Variants in RC3H1 observed in about 807,000 individuals in gnomAD.
RC3H1 encodes the protein roquin-1.
A neutral mutation model predicts 138.2 loss-of-function variants in RC3H1; 50 were observed. The ratio of observed to expected loss-of-function variants is 0.36; its 90% CI spans 0.29 to 0.46. The LOEUF (loss-of-function observed/expected upper bound fraction) is 0.46, where lower values mean the gene tolerates loss of function less well. RC3H1 is among the 20% of genes least tolerant of loss of function. RC3H1 has a pLI of 1.00. For synonymous variants in RC3H1, 462 were observed against 489.1 expected (o/e 0.94, Z 0.73); for missense variants, 1,031 against 1,388.1 (o/e 0.74, Z 4.09).
At chr1:173,980,695 G>T in intron 6 of RC3H1, 114 bp downstream of exon 6, 1 of 633,008 alleles carries the variant, frequency 1.6e-6, no homozygotes, top group Non-Finnish European at 2.6e-6. Context: ...CATGACACTG[G>T]CTATAAATAC....
chr1:174,017,783 C>CCAAAAAAAAAA (rs1165317766), intron 1 of RC3H1, among the ~76,000 whole-genome samples: 6 of 72,038 alleles, frequency 8.3e-5, no homozygotes, highest in African/African-American at 3.4e-4. Flanking sequence ...TTTTCTTGCT[C>CCAAAAAAAAAA]AAAAAAAAAA....
chr1:173,991,978 C>G (rs1661303662), intron 2 of RC3H1, among the ~76,000 whole-genome samples: 1 of 151,350 alleles, frequency 6.6e-6, no homozygotes, highest in Non-Finnish European at 1.5e-5. Flanking sequence ...CTAATGGTTC[C>G]CAAATGTTGT....
rs1386177716 is a variant in RC3H1, at chr1:173,932,900, G to GA, written c.*5820dup. The GA allele has an allele frequency of 6.6e-6, 1 of 152,024 alleles. No homozygotes were observed. The highest frequency in any genetic ancestry group is 2.4e-5 in the African/African-American group (1 of 41,400). 9.4% of individuals were successfully genotyped at this position (152,024 alleles called of 1,614,324 possible). A position where few individuals can be genotyped will look rare whatever the true frequency, so the allele number is the denominator to read the frequency against. On this transcript the variant is annotated 3_prime_UTR_variant, in exon 20 of 20. Transcript: ENST00000367696. ...CTTTCATACACTCACTGGGGTGGGG[G>GA]ACCACCTGACAGTTTCCAGTTATAA...
At position 174,022,029 on chromosome 1, in the gene RC3H1, T is replaced by C. The variant is rs1661976848; in HGVS notation, c.-151+67A>G. 2 of 390,500 alleles carry C rather than the reference T, an allele frequency of 5.1e-6. No homozygotes were observed. Among genetic ancestry groups the C allele is most frequent in the Non-Finnish European group, 9.0e-6 (2 of 221,252 alleles). The allele number at this position is 390,500 out of a possible 1,614,324, so 24.2% of individuals were successfully genotyped here. ...AACCCTTCCCGACCACAGCTGCCTA[T>C]TGTTCCCGACTGAGGCCCCGGCCGC... is the stretch of plus-strand genomic sequence containing the variant. On this transcript the variant is annotated intron_variant, in intron 1 of 19. Transcript: ENST00000367696. This position sits in a 1 kb window ranked among gnomAD's most constrained non-coding sequence, Gnocchi z 4.2.
intron 1 of RC3H1, among the ~76,000 whole-genome samples, chr1:174,017,783 CAAAAAAA>C (rs61239660): frequency 0.16 from 11,334 of 71,932 alleles, 706 homozygotes; most frequent in Middle Eastern, 0.35. Flanking sequence ...TTTTCTTGCT[CAAAAAAA>C]AAAAAAAAAA....
chr1:173,940,672 AT>A (rs1469556660), intron 19 of RC3H1, among the ~76,000 whole-genome samples: 1 of 151,056 alleles, frequency 6.6e-6, no homozygotes, highest in Non-Finnish European at 1.5e-5. Context: ...AGCATATAGT[AT>A]TTTTATAATG....
chr1:173,980,803 T>C lies in RC3H1; in HGVS notation c.969+6A>G. 6.2e-7 allele frequency: 1 copy of C among 1,610,236 alleles called. No individual in the cohort carries two copies. The highest frequency in any genetic ancestry group is 1.7e-5 in the Admixed American group (1 of 59,910). On this transcript the variant is annotated splice_donor_region_variant and intron_variant, in intron 6 of 19. Transcript: ENST00000367696. ...TCTAAGAAGTAAGGAACAAAAAAGG[T>C]CCTACCTTGTCAATAATGGACTGCA... is the stretch of plus-strand genomic sequence containing the variant.
chr1:173,972,906 G>A (rs1427988581), intron 7 of RC3H1, among the ~76,000 whole-genome samples: 3 of 152,234 alleles, frequency 2.0e-5, no homozygotes, highest in Non-Finnish European at 4.4e-5. Flanking sequence ...GACTCTCAGT[G>A]TTGAGGAGAC....
At chr1:173,987,105 T>C (rs980788615) in intron 2 of RC3H1, among the ~76,000 whole-genome samples, 2 of 152,172 alleles carry the variant, frequency 1.3e-5, no homozygotes, top group African/African-American at 4.8e-5. Context: ...ACACAACTTA[T>C]TATTGCTGAT....
chr1:173,964,150 C>T lies in RC3H1; in HGVS notation c.1654G>A (p.Val552Met). The T allele has an allele frequency of 6.2e-7, 1 of 1,613,988 alleles. No homozygotes were observed. Among genetic ancestry groups the T allele is most frequent in the South Asian group, 1.1e-5 (1 of 91,088 alleles). The change falls in exon 11 of 20, where the codon GTG becomes ATG. Residue 552 changes from valine (V) to methionine (M), a missense_variant. Physicochemically the swap from Val to Met is conservative, Grantham distance 21 (BLOSUM62 1). Coordinates refer to ENST00000367696, the MANE Select transcript of RC3H1 (RefSeq NM_172071.4). ...CTTGGAGGTATAGAATGTGGATTCACAGGTAAGGCAGAAATACTCTTAGGA... is the reference window on the plus strand; with the variant it reads ...CTTGGAGGTATAGAATGTGGATTCATAGGTAAGGCAGAAATACTCTTAGGA... ...SVPKSISALPVNPHSIPPRGP... is the reference protein window; with the variant it reads ...SVPKSISALPMNPHSIPPRGP...
At chr1:173,956,828 G>A (rs1259668619) in intron 13 of RC3H1, among the ~76,000 whole-genome samples, 1 of 152,002 alleles carries the variant, frequency 6.6e-6, no homozygotes, top group Non-Finnish European at 1.5e-5. Flanking sequence ...TAGAAAATGA[G>A]ATTTTCGAGA....
intron 7 of RC3H1, among the ~76,000 whole-genome samples, chr1:173,977,042 C>G (rs1660615874): frequency 6.6e-6 from 1 of 151,950 alleles, no homozygotes; most frequent in Admixed American, 6.5e-5. Flanking sequence ...CCTGCCTCAG[C>G]CTCCCGAGTA....
intron 15 of RC3H1, 23 bp from the exon 16 acceptor site, chr1:173,946,859 G>A (rs1659159286): frequency 2.1e-6 from 3 of 1,450,930 alleles, no homozygotes; most frequent in Non-Finnish European, 2.9e-6. Flanking sequence ...GATTTATTAT[G>A]GTATAATTCA....
intron 2 of RC3H1, among the ~76,000 whole-genome samples, chr1:173,988,249 A>T (rs972487580): frequency 1.4e-4 from 22 of 152,284 alleles, no homozygotes; most frequent in African/African-American, 4.8e-4. Context: ...CCTACTCCTG[A>T]ATCCATGGCA....
rs1021724278 is a variant in RC3H1 at position 173,938,654 on chromosome 1, C to T, written c.*67G>A. 1.3e-5 allele frequency: 15 copies of T among 1,195,096 alleles called. No individual in the cohort carries two copies. The highest frequency in any genetic ancestry group is 1.7e-5 in the Non-Finnish European group (15 of 872,052). 74.0% of individuals were successfully genotyped at this position (1,195,096 alleles called of 1,614,324 possible). On this transcript the variant is annotated 3_prime_UTR_variant, in exon 20 of 20. Coordinates refer to ENST00000367696, the MANE Select transcript of RC3H1 (RefSeq NM_172071.4). ...TAAGAGAAAAAGTTTAGAAGTTATG[C>T]GTTCTCCTACCCCTATGCCCGACAA...
Position 173,941,346 on chromosome 1 carries a change from A to G in RC3H1, c.3170T>C (p.Leu1057Pro), listed in dbSNP as rs767381453. ...ATTTTCTGCTTGTTTACTTGTATTC[A>G]GTTTGCTTTTCATGTCCAGAGAACA... ...NQCSLDMKSKLNTSKQAENGQ... is the reference protein window; with the variant it reads ...NQCSLDMKSKPNTSKQAENGQ... Residue 1057 changes from leucine (L) to proline (P), a missense_variant, in exon 19 of 20, where the codon CTG (leucine) becomes CCG (proline). Physicochemically the swap from Leu to Pro is moderately conservative, Grantham distance 98. Transcript: ENST00000367696. 2 of 1,613,548 alleles carry G rather than the reference A, an allele frequency of 1.2e-6. No homozygotes were observed. Among genetic ancestry groups the G allele is most frequent in the Non-Finnish European group, 1.7e-6 (2 of 1,179,794 alleles).
At chr1:173,989,443 C>T (rs991660191) in intron 2 of RC3H1, among the ~76,000 whole-genome samples, 3 of 152,160 alleles carry the variant, frequency 2.0e-5, no homozygotes, top group Non-Finnish European at 4.4e-5. Context: ...TCCATCTTGG[C>T]CTCCCACAGT....
intron 9 of RC3H1, chr1:173,969,185 G>T (rs941000598): frequency 6.6e-6 from 1 of 151,726 alleles, no homozygotes; most frequent in African/African-American, 2.4e-5. Context: ...TTATTCAAAG[G>T]CCTTTGGCAT....
At position 173,948,131 on chromosome 1, in the gene RC3H1, T is replaced by G. The variant is rs575751722; in HGVS notation, c.2524-549A>C. Among the ~76,000 whole-genome samples, 6 of 152,244 alleles carry G rather than the reference T, an allele frequency of 3.9e-5. No homozygotes were observed. In the South Asian group the frequency reaches 1.2e-3, roughly 32 times the overall value. ...CCCAAGACACCAGATCAAAGCAGAA[T>G]GTAATCACTTATGCTAGATGCCACA... On this transcript the variant is annotated intron_variant, in intron 14 of 19. Transcript: ENST00000367696.
Sources: allele counts gnomAD v4.1 joint callset (sites outside exome capture counted in the v4.1 genomes callset), GRCh38; gene constraint gnomAD v4.1.1; non-coding constraint Gnocchi (gnomAD v3.1); transcripts MANE v1.5; gene names NCBI Gene and HGNC (gene_info 2026-07-23, HGNC 2026-07-21).